Variants in DPYD observed in about 807,000 individuals in gnomAD.
DPYD encodes the protein dihydropyrimidine dehydrogenase.
In DPYD, 109 loss-of-function variants were observed where a neutral mutation model predicts 116.2. That is an observed-to-expected ratio of 0.94 (90% CI 0.80 to 1.10). DPYD has a LOEUF of 1.10. DPYD is among the 50% of genes least tolerant of loss of function. The probability of loss-of-function intolerance (pLI) is 0.00; values close to 1 mark genes in which losing one functional copy is unlikely to be tolerated. For missense variants in DPYD, 1,302 were observed against 1,254.5 expected, an observed-to-expected ratio of 1.04 and a Z score of -0.57; for synonymous variants, 440 against 432.0, an observed-to-expected ratio of 1.02 and a Z score of -0.23.
At chr1:97,826,089 T>TTTGTTTGTG (rs1669231941) in intron 3 of DPYD, among the ~76,000 whole-genome samples, 3 of 152,162 alleles carry the variant, frequency 2.0e-5, no homozygotes, top group African/African-American at 7.2e-5. Context: ...TTTCATGCCA[T>TTTGTTTGTG]AAAATTAAAT....
chr1:97,494,439 C>T (rs1356983673), intron 13 of DPYD, among the ~76,000 whole-genome samples: 1 of 152,168 alleles, frequency 6.6e-6, no homozygotes, highest in African/African-American at 2.4e-5. Flanking sequence ...TTTTAAAAGG[C>T]TTCATAGTGT....
At chr1:97,688,204 T>C (rs948196060) in intron 7 of DPYD, among the ~76,000 whole-genome samples, 4 of 152,154 alleles carry the variant, frequency 2.6e-5, no homozygotes, top group African/African-American at 7.2e-5. Flanking sequence ...TTAATAAATA[T>C]ATAGTCAGCA....
At chr1:97,649,831 C>A (rs117982416) in intron 8 of DPYD, among the ~76,000 whole-genome samples, 4 of 152,112 alleles carry the variant, frequency 2.6e-5, no homozygotes, top group South Asian at 4.2e-4. Context: ...GGGACACAGG[C>A]GAAACACTGA....
intron 11 of DPYD, among the ~76,000 whole-genome samples, chr1:97,568,797 G>A (rs1008014268): frequency 6.6e-6 from 1 of 152,026 alleles, no homozygotes; most frequent in Non-Finnish European, 1.5e-5. Flanking sequence ...CAAGTCAAAT[G>A]CACAAATATT....
chr1:97,191,984 T>C (rs1484170089), intron 20 of DPYD, among the ~76,000 whole-genome samples: 1 of 152,184 alleles, frequency 6.6e-6, no homozygotes. Flanking sequence ...GTCTTTCTGT[T>C]TGATTGCCAC....
chr1:97,235,383 C>T (rs1970143), intron 18 of DPYD, among the ~76,000 whole-genome samples: 71,674 of 151,978 alleles, frequency 0.47, 17,917 homozygotes, highest in East Asian at 0.71. Context: ...TTTGGGAGGC[C>T]GAGGTGGGTG....
intron 18 of DPYD, among the ~76,000 whole-genome samples, chr1:97,299,326 G>A (rs1157884074): frequency 6.6e-6 from 1 of 152,076 alleles, no homozygotes; most frequent in Non-Finnish European, 1.5e-5. Context: ...CATTACCACT[G>A]CTGCAAAGGT....
chr1:97,421,331 A>G (rs1674568654), intron 14 of DPYD, among the ~76,000 whole-genome samples: 2 of 152,150 alleles, frequency 1.3e-5, no homozygotes, highest in South Asian at 4.1e-4. Flanking sequence ...ACTTCCAGAG[A>G]TTAACTATTT....
At chr1:97,480,488 T>C (rs530628643) in intron 13 of DPYD, among the ~76,000 whole-genome samples, 4 of 152,200 alleles carry the variant, frequency 2.6e-5, no homozygotes, top group African/African-American at 9.6e-5. Context: ...AAAAGTGTAG[T>C]GTAGTCATAC....
At chr1:97,157,828 C>T (rs1655586216) in intron 20 of DPYD, among the ~76,000 whole-genome samples, 1 of 151,966 alleles carries the variant, frequency 6.6e-6, no homozygotes, top group Non-Finnish European at 1.5e-5. Flanking sequence ...TTTTATTCAC[C>T]CTTAATGGTA....
chr1:97,306,042 G>A, intron 17 of DPYD, 135 bp downstream of exon 17: 1 of 1,380,468 alleles, frequency 7.2e-7, no homozygotes, highest in Non-Finnish European at 1.0e-6. Flanking sequence ...GTGGGATCAA[G>A]TGCTCAACTG....
Position 97,300,214 on chromosome 1 carries a change from T to G in DPYD, c.2299+5045A>C, listed in dbSNP as rs552097727. ...TGTCCATACAAAAAAAGGAAAAAAG[T>G]GAGTATAAAATGGAAGGCTCTCCTT... On this transcript the variant is annotated intron_variant, in intron 18 of 22. Transcript: ENST00000370192. 1.3e-3 allele frequency among the ~76,000 whole-genome samples: 198 copies of G among 152,186 alleles called. 5 individuals carry two copies. The highest frequency in any genetic ancestry group is 2.9e-4 in the Non-Finnish European group (20 of 68,004).
At chr1:97,101,961 A>C (rs1650720695) in intron 20 of DPYD, among the ~76,000 whole-genome samples, 1 of 152,008 alleles carries the variant, frequency 6.6e-6, no homozygotes. Flanking sequence ...AGTATCTTAC[A>C]CTAAAACTGT....
chr1:97,161,921 A>G (rs1283880739), intron 20 of DPYD, among the ~76,000 whole-genome samples: 6 of 152,026 alleles, frequency 3.9e-5, no homozygotes, highest in Non-Finnish European at 8.8e-5. Context: ...TTATGGCTAC[A>G]TAGTATTCCA....
chr1:97,917,838 C>T (rs1452818324), intron 1 of DPYD, among the ~76,000 whole-genome samples: 3 of 152,128 alleles, frequency 2.0e-5, no homozygotes, highest in African/African-American at 7.2e-5. Context: ...ATTATCCTTG[C>T]CGGTGGAGGG....
chr1:97,746,817 A>G (rs938031408), intron 3 of DPYD, among the ~76,000 whole-genome samples: 1 of 152,106 alleles, frequency 6.6e-6, no homozygotes, highest in Non-Finnish European at 1.5e-5. Flanking sequence ...GCTCTCACTT[A>G]TTGGAAATAT....
chr1:97,630,407 C>T (rs530196175), intron 8 of DPYD, among the ~76,000 whole-genome samples: 1 of 151,974 alleles, frequency 6.6e-6, no homozygotes, highest in Non-Finnish European at 1.5e-5. Context: ...TTCTCCATGC[C>T]TTCTCTCTAA....
chr1:97,834,078 G>C (rs1237118997), intron 2 of DPYD, among the ~76,000 whole-genome samples: 1 of 151,992 alleles, frequency 6.6e-6, no homozygotes, highest in Non-Finnish European at 1.5e-5. Flanking sequence ...TTTCACAATG[G>C]ACCTAGACAG....
chr1:97,658,967 T>C (rs1177936560), intron 8 of DPYD, among the ~76,000 whole-genome samples: 1 of 152,094 alleles, frequency 6.6e-6, no homozygotes, highest in African/African-American at 2.4e-5. Context: ...AACTTCTCTT[T>C]TCCTGTTAAC....
Sources: allele counts gnomAD v4.1 joint callset (sites outside exome capture counted in the v4.1 genomes callset), GRCh38; gene constraint gnomAD v4.1.1; transcripts MANE v1.5; gene names NCBI Gene and HGNC (gene_info 2026-07-23, HGNC 2026-07-21).